PPFIA2: variants seen among roughly 807,000 people sequenced by gnomAD.
PPFIA2 encodes liprin-alpha-2.
Under a neutral mutation model 175.5 loss-of-function variants are expected in PPFIA2, and 46 were observed. The ratio of observed to expected loss-of-function variants is 0.26; its 90% confidence interval spans 0.21 to 0.34. The LOEUF (loss-of-function observed/expected upper bound fraction) is 0.34. PPFIA2 is among the 10% of genes least tolerant of loss of function. The pLI, the probability that PPFIA2 is intolerant of heterozygous loss-of-function variation, is 1.00. For missense variants in PPFIA2, 1,179 were observed against 1,506.1 expected, an observed-to-expected ratio of 0.78 and a Z score of 3.60; for synonymous variants, 568 against 511.4, an observed-to-expected ratio of 1.11 and a Z score of -1.49.
chr12:81,552,888 C>T (rs537775429), intron 4 of PPFIA2, among the ~76,000 whole-genome samples: 10 of 152,040 alleles, frequency 6.6e-5, no homozygotes, highest in East Asian at 1.9e-4. Context: ...CCATCGACAA[C>T]GAAACAAGTA....
At chr12:81,684,058 T>C (rs927160879) in intron 3 of PPFIA2, among the ~76,000 whole-genome samples, 2 of 152,104 alleles carry the variant, frequency 1.3e-5, no homozygotes, top group South Asian at 2.1e-4. Flanking sequence ...GTAGGTACCA[T>C]TTCCAACATT....
intron 3 of PPFIA2, among the ~76,000 whole-genome samples, chr12:81,733,443 T>A (rs1057509384): frequency 6.6e-6 from 1 of 151,624 alleles, no homozygotes; most frequent in Non-Finnish European, 1.5e-5. Flanking sequence ...TAAAATTTTG[T>A]TAAGAGGGTA....
chr12:81,345,534 T>C (rs1465485991), intron 18 of PPFIA2, among the ~76,000 whole-genome samples: 1 of 152,116 alleles, frequency 6.6e-6, no homozygotes, highest in African/African-American at 2.4e-5. Flanking sequence ...GGATTATAAA[T>C]ATTTTATTGC....
At chr12:81,543,509 T>C (rs2066524983) in intron 4 of PPFIA2, among the ~76,000 whole-genome samples, 1 of 152,088 alleles carries the variant, frequency 6.6e-6, no homozygotes. Context: ...TATAAGTAAA[T>C]AAATGTGAAG....
At chr12:81,368,055 C>G in intron 13 of PPFIA2, 1 of 1,189,644 alleles carries the variant, frequency 8.4e-7, no homozygotes, top group South Asian at 1.3e-5. Context: ...GATTGGCATT[C>G]AATCTAGATT....
chr12:81,479,934 T>C (rs1348560654), intron 4 of PPFIA2, among the ~76,000 whole-genome samples: 2 of 152,156 alleles, frequency 1.3e-5, no homozygotes, highest in East Asian at 1.9e-4. Context: ...CTGCATTTCC[T>C]GAATTTGAAT....
rs554155683 is a variant in PPFIA2 at position 81,730,050 on chromosome 12, C to T, written c.249+23923G>A. ...AAGACCCAGTTGGCTCAAGGTCTACCTGAACTTCTGACCCACAGAATTGTG... is the reference window on the plus strand; with the variant it reads ...AAGACCCAGTTGGCTCAAGGTCTACTTGAACTTCTGACCCACAGAATTGTG... On this transcript the variant is annotated intron_variant, in intron 3 of 32. Transcript: ENST00000549396. Among the ~76,000 whole-genome samples the T allele has an allele frequency of 3.9e-4, 59 of 151,680 alleles. No individual in the cohort carries two copies. In the South Asian group the frequency reaches 0.012, roughly 31 times the overall value.
At chr12:81,479,734 GA>G (rs1408451896) in intron 4 of PPFIA2, among the ~76,000 whole-genome samples, 1 of 152,146 alleles carries the variant, frequency 6.6e-6, no homozygotes, top group Non-Finnish European at 1.5e-5. Flanking sequence ...TTTTCTTTAA[GA>G]ATGTTGAATA....
rs375114665 is a variant in PPFIA2 at position 81,263,215 on chromosome 12, T to G, written c.3715+16A>C. ...AAGCTTTTTGCTTGATAAGCAGCAA[T>G]GCAAAACTACTGTACCATCTGTTGT... On this transcript the variant is annotated intron_variant, in intron 31 of 32. Coordinates refer to ENST00000549396, the MANE Select transcript of PPFIA2 (RefSeq NM_003625.5). The G allele has an allele frequency of 8.8e-6, 14 of 1,584,518 alleles. No homozygotes were observed. The highest frequency in any genetic ancestry group is 1.2e-5 in the Non-Finnish European group (14 of 1,160,044).
intron 4 of PPFIA2, among the ~76,000 whole-genome samples, chr12:81,501,155 T>C (rs2060555448): frequency 6.6e-6 from 1 of 152,210 alleles, no homozygotes; most frequent in Admixed American, 6.5e-5. Flanking sequence ...CTTCCATTGA[T>C]TTTTGTCACT....
chr12:81,749,311 TTATG>T (rs2083446462), intron 3 of PPFIA2, among the ~76,000 whole-genome samples: 1 of 143,948 alleles, frequency 6.9e-6, no homozygotes, highest in African/African-American at 2.4e-5. Context: ...TTGGGCCCAT[TTATG>T]TATTTTTTCC....
intron 22 of PPFIA2, among the ~76,000 whole-genome samples, chr12:81,303,420 G>A (rs2048353789): frequency 6.6e-6 from 1 of 152,142 alleles, no homozygotes. Context: ...CCTTTTAGAG[G>A]AAGTGTCAGG....
chr12:81,312,865 C>T (rs1030851991), intron 22 of PPFIA2, among the ~76,000 whole-genome samples: 5 of 152,008 alleles, frequency 3.3e-5, no homozygotes, highest in African/African-American at 1.2e-4. Context: ...GGCTAGTAAT[C>T]AGAACATAAG....
intron 22 of PPFIA2, among the ~76,000 whole-genome samples, chr12:81,309,598 A>G (rs1336742304): frequency 1.3e-5 from 2 of 151,984 alleles, no homozygotes; most frequent in African/African-American, 4.8e-5. Context: ...AAAATGTATG[A>G]AAATCCATGA....
chr12:81,337,754 A>G (rs141718781), intron 21 of PPFIA2, among the ~76,000 whole-genome samples: 5 of 152,270 alleles, frequency 3.3e-5, no homozygotes, highest in African/African-American at 4.8e-5. Context: ...TTAATACTCA[A>G]AAATAACCAC....
intron 4 of PPFIA2, 46 bp downstream of exon 4, chr12:81,676,745 C>G (rs771921235): frequency 1.4e-6 from 2 of 1,402,490 alleles, no homozygotes; most frequent in South Asian, 2.7e-5. Flanking sequence ...GGTGTGTACA[C>G]AATTCAATTC....
intron 4 of PPFIA2, among the ~76,000 whole-genome samples, chr12:81,569,263 T>C (rs563286788): frequency 6.6e-6 from 1 of 152,168 alleles, no homozygotes; most frequent in Non-Finnish European, 1.5e-5. Context: ...ATTAGATTTC[T>C]TACAATTTGA....
At chr12:81,293,296 T>C (rs1029937575) in intron 24 of PPFIA2, among the ~76,000 whole-genome samples, 2 of 152,088 alleles carry the variant, frequency 1.3e-5, no homozygotes, top group Non-Finnish European at 2.9e-5. Flanking sequence ...TGGGAATTTG[T>C]CGTCATGCAT....
chr12:81,673,741 T>A (rs1023554478), intron 4 of PPFIA2, among the ~76,000 whole-genome samples: 1 of 152,060 alleles, frequency 6.6e-6, no homozygotes, highest in Non-Finnish European at 1.5e-5. Context: ...AAAATAATTA[T>A]GTGATTTGGA....
Sources: allele counts gnomAD v4.1 joint callset (sites outside exome capture counted in the v4.1 genomes callset), GRCh38; gene constraint gnomAD v4.1.1; transcripts MANE v1.5; gene names NCBI Gene and HGNC (gene_info 2026-07-23, HGNC 2026-07-21).